AGBL4: variants seen among roughly 807,000 people sequenced by gnomAD.
AGBL4 encodes the protein AGBL carboxypeptidase 4.
Under a neutral mutation model 66.4 loss-of-function variants are expected in AGBL4, and 58 were observed. That is an observed-to-expected ratio of 0.87 (90% CI 0.71 to 1.09). AGBL4 has a LOEUF of 1.09. Among genes scored for constraint, AGBL4 ranks in the 50% least tolerant of loss-of-function variants. The pLI, the probability that AGBL4 is intolerant of heterozygous loss-of-function variation, is 0.00. For synonymous variants in AGBL4, 234 were observed against 222.9 expected (o/e 1.05, Z -0.44); for missense variants, 579 against 631.0 (o/e 0.92, Z 0.88).
At chr1:48,586,175 AC>A (rs1273167508) in intron 11 of AGBL4, 1 of 152,246 alleles carries the variant, frequency 6.6e-6, no homozygotes, top group Non-Finnish European at 1.5e-5. Flanking sequence ...AACTAGAGTT[AC>A]TACCTAATCC....
chr1:49,675,933 A>G (rs534113503), intron 3 of AGBL4, among the ~76,000 whole-genome samples: 1 of 152,212 alleles, frequency 6.6e-6, no homozygotes, highest in African/African-American at 2.4e-5. Context: ...CTAAGGACCC[A>G]TTTCTTGACT....
chr1:49,646,202 G>C (rs1269333170), intron 3 of AGBL4, among the ~76,000 whole-genome samples: 3 of 151,694 alleles, frequency 2.0e-5, no homozygotes, highest in Non-Finnish European at 4.4e-5. Context: ...TAAATAAAAG[G>C]CATGGAGATT....
At chr1:48,743,291 C>T (rs1298443793) in intron 6 of AGBL4, among the ~76,000 whole-genome samples, 4 of 152,156 alleles carry the variant, frequency 2.6e-5, no homozygotes, top group Non-Finnish European at 5.9e-5. Context: ...AAACACAATA[C>T]ACATTAAGCC....
intron 9 of AGBL4, among the ~76,000 whole-genome samples, chr1:48,633,369 T>C (rs1006260261): frequency 2.0e-5 from 3 of 152,238 alleles, no homozygotes; most frequent in Non-Finnish European, 2.9e-5. Flanking sequence ...ATGGGTTACA[T>C]TGGTGCATCT....
chr1:49,997,486 A>C (rs1660453363), intron 1 of AGBL4, among the ~76,000 whole-genome samples: 1 of 152,172 alleles, frequency 6.6e-6, no homozygotes. Context: ...CAATGAAAAG[A>C]CTATTGTAAT....
chr1:50,005,136 G>C (rs1473788151), intron 1 of AGBL4, among the ~76,000 whole-genome samples: 1 of 152,106 alleles, frequency 6.6e-6, no homozygotes, highest in Admixed American at 6.6e-5. Flanking sequence ...TTAGGGACTT[G>C]AGCAAACATA....
intron 11 of AGBL4, among the ~76,000 whole-genome samples, chr1:48,572,561 G>GGA (rs960092865): frequency 2.6e-5 from 4 of 151,120 alleles, no homozygotes; most frequent in Non-Finnish European, 4.4e-5. Context: ...TGTGTGTGTG[G>GGA]GAGAGAGAGA....
intron 1 of AGBL4, among the ~76,000 whole-genome samples, chr1:49,978,393 C>A (rs1297525199): frequency 6.6e-6 from 1 of 152,184 alleles, no homozygotes; most frequent in African/African-American, 2.4e-5. Flanking sequence ...GCAGTGAGCT[C>A]TGACTGTGCC....
chr1:49,003,624 A>T (rs539457231), intron 5 of AGBL4, among the ~76,000 whole-genome samples: 6 of 152,010 alleles, frequency 3.9e-5, no homozygotes, highest in African/African-American at 1.5e-4. Flanking sequence ...CCCCTTATCA[A>T]TGATCCTTTC....
rs548390554 is a variant in AGBL4, at chr1:48,626,343, G to A, written c.951+8150C>T. Among the ~76,000 whole-genome samples, 215 of 152,338 alleles carry A rather than the reference G, an allele frequency of 1.4e-3. 3 individuals carry two copies. The South Asian group carries it at 0.041, about 29-fold the overall frequency. ...TGGATCTTGCTCTACAACTGGTGAGGTAGGCAGGTCAGAAATTGTTCTTTT... is the reference window on the plus strand; with the variant it reads ...TGGATCTTGCTCTACAACTGGTGAGATAGGCAGGTCAGAAATTGTTCTTTT... On this transcript the variant is annotated intron_variant, in intron 9 of 13. Coordinates refer to ENST00000371839, the MANE Select transcript of AGBL4 (RefSeq NM_032785.4).
At chr1:49,020,509 G>A (rs1449840668) in intron 5 of AGBL4, among the ~76,000 whole-genome samples, 1 of 152,150 alleles carries the variant, frequency 6.6e-6, no homozygotes, top group African/African-American at 2.4e-5. Flanking sequence ...GATATGGGAG[G>A]CTCCAGTATT....
intron 8 of AGBL4, among the ~76,000 whole-genome samples, chr1:48,643,228 A>G (rs778748185): frequency 2.6e-5 from 4 of 152,184 alleles, no homozygotes; most frequent in Non-Finnish European, 4.4e-5. Flanking sequence ...CAAGGGTAGC[A>G]CATGATAGGG....
At chr1:49,119,679 T>C (rs1356548219) in intron 4 of AGBL4, among the ~76,000 whole-genome samples, 1 of 152,180 alleles carries the variant, frequency 6.6e-6, no homozygotes, top group African/African-American at 2.4e-5. Flanking sequence ...ATTCTGTTGA[T>C]TTGGGGTGGA....
intron 4 of AGBL4, among the ~76,000 whole-genome samples, chr1:49,196,773 G>A (rs548954423): frequency 6.6e-6 from 1 of 151,996 alleles, no homozygotes; most frequent in African/African-American, 2.4e-5. Context: ...TTATTATAAT[G>A]TATTTTTTGT....
intron 3 of AGBL4, among the ~76,000 whole-genome samples, chr1:49,500,026 G>A (rs1392484286): frequency 2.6e-5 from 4 of 151,844 alleles, no homozygotes; most frequent in Non-Finnish European, 5.9e-5. Context: ...CCACATCCAC[G>A]TCAACATCTA....
At chr1:49,698,065 G>A (rs1647020765) in intron 2 of AGBL4, among the ~76,000 whole-genome samples, 1 of 152,112 alleles carries the variant, frequency 6.6e-6, no homozygotes, top group South Asian at 2.1e-4. Flanking sequence ...AAACTTAGGT[G>A]TTATCTCCAT....
intron 6 of AGBL4, among the ~76,000 whole-genome samples, chr1:48,855,257 A>G (rs1647120333): frequency 6.6e-6 from 1 of 152,100 alleles, no homozygotes; most frequent in Non-Finnish European, 1.5e-5. Flanking sequence ...ATGTTCCAAA[A>G]TGGGACACCT....
intron 4 of AGBL4, among the ~76,000 whole-genome samples, chr1:49,123,001 C>G (rs1212046551): frequency 6.6e-6 from 1 of 151,878 alleles, no homozygotes; most frequent in Non-Finnish European, 1.5e-5. Context: ...TTATAGGCAC[C>G]CGCAACCATG....
intron 5 of AGBL4, among the ~76,000 whole-genome samples, chr1:49,020,106 G>C (rs1484607525): frequency 6.6e-6 from 1 of 152,130 alleles, no homozygotes; most frequent in Non-Finnish European, 1.5e-5. Context: ...TCTTAATTTG[G>C]TAATGAATTA....
Sources: allele counts gnomAD v4.1 joint callset (sites outside exome capture counted in the v4.1 genomes callset), GRCh38; gene constraint gnomAD v4.1.1; transcripts MANE v1.5; gene names NCBI Gene and HGNC (gene_info 2026-07-23, HGNC 2026-07-21).